SLC36A3: variants seen among roughly 807,000 people sequenced by gnomAD.
SLC36A3 encodes the protein proton-coupled amino acid transporter 3.
In SLC36A3, 35 loss-of-function variants were observed where a neutral mutation model predicts 44.3. That is an observed-to-expected ratio of 0.79 (90% CI 0.60 to 1.05). SLC36A3 has a LOEUF of 1.05. Among genes scored for constraint, SLC36A3 ranks in the 50% least tolerant of loss-of-function variants. SLC36A3 has a pLI of 0.00. For synonymous variants in SLC36A3, 211 were observed against 227.6 expected (o/e 0.93, Z 0.66); for missense variants, 540 against 578.7 (o/e 0.93, Z 0.69).
At chr5:151,279,672 G>A (rs1460668586) in intron 9 of SLC36A3, among the ~76,000 whole-genome samples, 2 of 152,184 alleles carry the variant, frequency 1.3e-5, no homozygotes, top group Non-Finnish European at 2.9e-5. Context: ...GCTTCCTGAT[G>A]TCTCAGCACA....
intron 5 of SLC36A3, among the ~76,000 whole-genome samples, 197 bp downstream of exon 5, chr5:151,288,189 C>T (rs945731921): frequency 2.0e-5 from 3 of 152,212 alleles, no homozygotes; most frequent in Non-Finnish European, 2.9e-5. Flanking sequence ...TGGCTAAACT[C>T]TTCAGAAGTT....
intron 3 of SLC36A3, among the ~76,000 whole-genome samples, chr5:151,294,221 T>TG (rs1179086140): frequency 6.6e-6 from 1 of 152,170 alleles, no homozygotes; most frequent in Non-Finnish European, 1.5e-5. Flanking sequence ...GTCTGGATTT[T>TG]GGGGGAAGAG....
Position 151,303,227 on chromosome 5 carries a change from G to A in SLC36A3, c.128C>T (p.Ser43Leu), listed in dbSNP as rs761677518. Residue 43 changes from serine (S) to leucine (L), a missense_variant and splice_region_variant, in exon 1 of 10, where the codon TCG (serine) becomes TTG (leucine). Ser to Leu is a moderately radical substitution (Grantham distance 145). Transcript: ENST00000335230. ...CTGGAAGGGCGGTGCGGCCACTTAC[G>A]ATAGTCCAGCTTCTCCAGCAGGATG... is the stretch of plus-strand genomic sequence containing the variant. ...NVHPAGEAGL[S>L]MMQTLIHLLK... The A allele has an allele frequency of 6.2e-6, 10 of 1,612,106 alleles. No homozygotes were observed. The highest frequency in any genetic ancestry group is 1.7e-5 in the Admixed American group (1 of 59,868).
intron 4 of SLC36A3, among the ~76,000 whole-genome samples, chr5:151,290,412 C>T (rs1754712052): frequency 6.6e-6 from 1 of 152,144 alleles, no homozygotes; most frequent in Non-Finnish European, 1.5e-5. Flanking sequence ...TATACAAAAG[C>T]AATGAATAAT....
intron 3 of SLC36A3, among the ~76,000 whole-genome samples, chr5:151,294,299 A>C (rs1754876208): frequency 6.6e-6 from 1 of 152,192 alleles, no homozygotes; most frequent in African/African-American, 2.4e-5. Flanking sequence ...CGTGATAGGC[A>C]TTTTCAATAC....
At chr5:151,289,549 A>G (rs1386191893) in intron 4 of SLC36A3, among the ~76,000 whole-genome samples, 1 of 152,014 alleles carries the variant, frequency 6.6e-6, no homozygotes, top group African/African-American at 2.4e-5. Flanking sequence ...TGGTATGATG[A>G]TTATACTTTT....
At chr5:151,279,618 T>G (rs1580801760) in intron 9 of SLC36A3, among the ~76,000 whole-genome samples, 1 of 152,212 alleles carries the variant, frequency 6.6e-6, no homozygotes, top group African/African-American at 2.4e-5. Context: ...CTTGTCAACT[T>G]ACACCCTTCC....
At chr5:151,299,379 A>ATATATATATATATATATATAT (rs1338385145) in intron 1 of SLC36A3, among the ~76,000 whole-genome samples, 2 of 143,714 alleles carry the variant, frequency 1.4e-5, no homozygotes, top group African/African-American at 5.1e-5. Context: ...GGTGATATAT[A>ATATATATATATATATATATAT]TATATATATA....
intron 4 of SLC36A3, among the ~76,000 whole-genome samples, chr5:151,289,518 T>A (rs1407791298): frequency 6.6e-6 from 1 of 152,142 alleles, no homozygotes; most frequent in Non-Finnish European, 1.5e-5. Context: ...AAATTATTAT[T>A]AATTTTGTAA....
At chr5:151,293,218 T>C in intron 4 of SLC36A3, 146 bp downstream of exon 4, 1 of 669,630 alleles carries the variant, frequency 1.5e-6, no homozygotes, top group Non-Finnish European at 2.5e-6. Flanking sequence ...CAGAGTGAGA[T>C]GGGGGATGGG....
At chr5:151,299,087 A>G (rs1252038236) in intron 1 of SLC36A3, among the ~76,000 whole-genome samples, 1 of 152,140 alleles carries the variant, frequency 6.6e-6, no homozygotes, top group East Asian at 1.9e-4. Flanking sequence ...GCCTCAGTCT[A>G]CAGTGAGACA....
At chr5:151,299,264 C>CTCTCTCTCTATATATATATATATA (rs1372309288) in intron 1 of SLC36A3, among the ~76,000 whole-genome samples, 3 of 59,644 alleles carry the variant, frequency 5.0e-5, no homozygotes, top group African/African-American at 1.2e-4. Flanking sequence ...CTCTCTCTCT[C>CTCTCTCTCTATATATATATATATA]TATATATATA....
At chr5:151,286,133 A>G (rs1052426632) in intron 6 of SLC36A3, among the ~76,000 whole-genome samples, 1 of 152,228 alleles carries the variant, frequency 6.6e-6, no homozygotes, top group Non-Finnish European at 1.5e-5. Flanking sequence ...AATTCATGAA[A>G]GAATTACTTT....
In SLC36A3 at chr5:151,284,030, T is replaced by A. The variant is rs770963285; in HGVS notation, c.974+14A>T. ...GTGTCTCTCCCTATCTCACCTGAGG[T>A]GGGCAGGACATACCAGCAATTGGGC... On this transcript the variant is annotated intron_variant, in intron 8 of 9. Coordinates refer to ENST00000335230, the MANE Select transcript of SLC36A3 (RefSeq NM_181774.4). 23 of 1,598,640 alleles carry A rather than the reference T, an allele frequency of 1.4e-5. No individual in the cohort carries two copies. In the Admixed American group the frequency reaches 2.6e-4, roughly 18 times the overall value.
chr5:151,276,807 C>A lies in SLC36A3; in HGVS notation c.*586G>T, dbSNP rs1372602094. ...TTTCTTTTATTCACTTTCAGAATATCAGAGTTGACAGAGTCCTTAATAATC... is the reference window on the plus strand; with the variant it reads ...TTTCTTTTATTCACTTTCAGAATATAAGAGTTGACAGAGTCCTTAATAATC... On this transcript the variant is annotated 3_prime_UTR_variant, in exon 10 of 10. Coordinates refer to ENST00000335230, the MANE Select transcript of SLC36A3 (RefSeq NM_181774.4). 1.3e-5 allele frequency: 2 copies of A among 152,630 alleles called. No homozygotes were observed. Among genetic ancestry groups the A allele is most frequent in the African/African-American group, 4.8e-5 (2 of 41,442 alleles). 9.5% of individuals were successfully genotyped at this position (152,630 alleles called of 1,614,324 possible). A position where few individuals can be genotyped will look rare whatever the true frequency, so the allele number is the denominator to read the frequency against.
At chr5:151,299,264 C>CTCTCTCTCTCTCTCTCTCTATATA (rs1372309288) in intron 1 of SLC36A3, among the ~76,000 whole-genome samples, 1 of 59,646 alleles carries the variant, frequency 1.7e-5, no homozygotes, top group Non-Finnish European at 3.1e-5. Flanking sequence ...CTCTCTCTCT[C>CTCTCTCTCTCTCTCTCTCTATATA]TATATATATA....
chr5:151,291,950 T>C (rs1580817756), intron 4 of SLC36A3, among the ~76,000 whole-genome samples: 1 of 152,038 alleles, frequency 6.6e-6, no homozygotes, highest in East Asian at 1.9e-4. Context: ...AACCTCTGCC[T>C]CCTGAGTTCA....
At chr5:151,279,594 G>A (rs914865196) in intron 9 of SLC36A3, among the ~76,000 whole-genome samples, 1 of 152,178 alleles carries the variant, frequency 6.6e-6, no homozygotes, top group Non-Finnish European at 1.5e-5. Context: ...ATACTCAGAG[G>A]CTCCTCAGTC....
At chr5:151,298,358 T>C (rs1755031680) in intron 2 of SLC36A3, 2 of 480,568 alleles carry the variant, frequency 4.2e-6, no homozygotes, top group Non-Finnish European at 7.5e-6. Flanking sequence ...GGGAGAATTG[T>C]GGCAAAGTAG....
Sources: gnomAD v4.1 joint callset for allele counts (sites outside exome capture counted in the v4.1 genomes callset) on GRCh38, gnomAD v4.1.1 for gene constraint, MANE v1.5 for transcripts, NCBI Gene and HGNC (gene_info 2026-07-23, HGNC 2026-07-21) for gene names.